The following TG variants were observed in gnomAD, a reference collection of about 807,000 sequenced individuals.
The protein encoded by TG is thyroglobulin, also known as thyroid hormones.
TG carries 270 observed loss-of-function variants against 324.7 expected under a neutral mutation model. The observed-to-expected ratio is 0.83, with a 90% CI of 0.75 to 0.92. The LOEUF (loss-of-function observed/expected upper bound fraction) is 0.92. TG is among the 40% of genes least tolerant of loss of function. The probability of loss-of-function intolerance (pLI) is 0.00; values close to 1 mark genes in which losing one functional copy is unlikely to be tolerated. For synonymous variants in TG, 1,401 were observed against 1,327.0 expected, an observed-to-expected ratio of 1.06 and a Z score of -1.21; for missense variants, 3,591 against 3,456.4, an observed-to-expected ratio of 1.04 and a Z score of -0.98.
chr8:132,940,378 AAAAATCTCATGTTT>A (rs1824273293), intron 25 of TG, among the ~76,000 whole-genome samples: 1 of 152,012 alleles, frequency 6.6e-6, no homozygotes, highest in Admixed American at 6.5e-5. Flanking sequence ...TCTATCCCTG[AAAAATCTCATGTTT>A]GCAAAGTGAC....
At chr8:133,058,702 G>T (rs532819539) in intron 41 of TG, among the ~76,000 whole-genome samples, 1 of 152,224 alleles carries the variant, frequency 6.6e-6, no homozygotes, top group Non-Finnish European at 1.5e-5. Context: ...CAGCAGCTCA[G>T]CCACCCTGCA....
chr8:133,066,398 C>G (rs1024035077), intron 41 of TG, among the ~76,000 whole-genome samples: 1 of 151,476 alleles, frequency 6.6e-6, no homozygotes, highest in Non-Finnish European at 1.5e-5. Context: ...GGAATACTAG[C>G]TGTGCTTTTA....
intron 35 of TG, chr8:133,002,942 C>G: frequency 1.0e-6 from 1 of 974,344 alleles, no homozygotes; most frequent in Non-Finnish European, 1.2e-6. Flanking sequence ...TGAACAGTGC[C>G]CATTCCCTTG....
rs750493958 is a variant in TG at position 132,887,014 on chromosome 8, A to G, written c.1642A>G (p.Thr548Ala). ...AKKDGTMNKP[T>A]VGSFGFEINL... is the part of the protein sequence containing the mutation. ...GAAGGATGGTACTATGAATAAGCCA[A>G]CTGTGGGCAGCTTTGGCTTTGAAAT... The change falls in exon 9 of 48, where the codon ACT becomes GCT. Residue 548 changes from threonine (T) to alanine (A), a missense_variant. Physicochemically the swap from Thr to Ala is moderately conservative, Grantham distance 58. Coordinates refer to ENST00000220616, the MANE Select transcript of TG (RefSeq NM_003235.5). The G allele has an allele frequency of 1.3e-5, 21 of 1,614,246 alleles. No homozygotes were observed. The highest frequency in any genetic ancestry group is 1.8e-5 in the Non-Finnish European group (21 of 1,180,048).
chr8:132,948,681 C>A (rs1825690504), intron 26 of TG, 95 bp from the exon 27 acceptor site: 13 of 1,342,380 alleles, frequency 9.7e-6, no homozygotes, highest in Non-Finnish European at 1.4e-5. Context: ...ACGCTGTCAC[C>A]TATCTTTATT....
chr8:133,132,600 T>C (rs1360297340), intron 46 of TG, among the ~76,000 whole-genome samples: 1 of 152,148 alleles, frequency 6.6e-6, no homozygotes, highest in Non-Finnish European at 1.5e-5. Flanking sequence ...TTGCCTGATG[T>C]GAGTTGATTA....
intron 40 of TG, among the ~76,000 whole-genome samples, chr8:133,023,191 C>T (rs960246741): frequency 6.6e-6 from 1 of 152,162 alleles, no homozygotes; most frequent in African/African-American, 2.4e-5. Flanking sequence ...CCTGGATGAC[C>T]ACATGGCATG....
intron 41 of TG, among the ~76,000 whole-genome samples, chr8:133,056,979 C>T (rs1467434349): frequency 6.6e-6 from 1 of 152,168 alleles, no homozygotes; most frequent in Non-Finnish European, 1.5e-5. Context: ...ATCTGCATTT[C>T]AGTTACTTCC....
chr8:132,991,710 G>A (rs891031600), intron 35 of TG, among the ~76,000 whole-genome samples: 4 of 152,058 alleles, frequency 2.6e-5, no homozygotes, highest in Admixed American at 2.6e-4. Flanking sequence ...CATGTTGTTA[G>A]CAGCTGCAAC....
At chr8:132,937,468 C>G (rs1823772279) in intron 25 of TG, among the ~76,000 whole-genome samples, 1 of 152,158 alleles carries the variant, frequency 6.6e-6, no homozygotes, top group Non-Finnish European at 1.5e-5. Context: ...TCTGGCAGAG[C>G]TCGGCTCTCT....
At chr8:133,060,497 G>T (rs1351299235) in intron 41 of TG, 1 of 811,930 alleles carries the variant, frequency 1.2e-6, no homozygotes, top group Non-Finnish European at 1.8e-6. Flanking sequence ...GCCACAGCAG[G>T]GTTTGTGTGA....
At position 132,886,794 on chromosome 8, in the gene TG, G is replaced by A. The variant is rs2132161168; in HGVS notation, c.1422G>A (p.Gly474=). The change falls in exon 9 of 48, where the codon GGG becomes GGA. Residue 474 remains glycine (G), a synonymous_variant. Coordinates refer to ENST00000220616, the MANE Select transcript of TG (RefSeq NM_003235.5). ...PKRLQQNLFG[G]KFLVNVGQFN... is the part of the protein sequence containing the mutation. ...GACTCCAGCAAAACCTTTTTGGAGG[G>A]AAATTTTTGGTGAATGTTGGCCAGT... 6.2e-7 allele frequency: 1 copy of A among 1,614,190 alleles called. No individual in the cohort carries two copies. Among genetic ancestry groups the A allele is most frequent in the Non-Finnish European group, 8.5e-7 (1 of 1,180,042 alleles).
intron 10 of TG, among the ~76,000 whole-genome samples, chr8:132,890,648 C>T (rs1217193651): frequency 6.6e-6 from 1 of 152,194 alleles, no homozygotes; most frequent in East Asian, 1.9e-4. Flanking sequence ...GTCTTAGAGT[C>T]ATCTGTAAAA....
chr8:133,002,101 G>T (rs1833571183), intron 35 of TG: 1 of 985,430 alleles, frequency 1.0e-6, no homozygotes, highest in Non-Finnish European at 1.2e-6. Flanking sequence ...GTTGGAGAGA[G>T]TGTCAGGCAT....
At chr8:133,059,037 A>G (rs1841967020) in intron 41 of TG, 4 of 457,380 alleles carry the variant, frequency 8.7e-6, no homozygotes, top group Non-Finnish European at 1.8e-5. Flanking sequence ...TGAGGGAGCC[A>G]CAGAAGTCAT....
chr8:132,934,549 G>C (rs564599913), intron 24 of TG, among the ~76,000 whole-genome samples: 1 of 152,218 alleles, frequency 6.6e-6, no homozygotes, highest in South Asian at 2.1e-4. Flanking sequence ...ACACGTGCTC[G>C]TGCATAAACA....
At chr8:132,973,409 G>A (rs930268394) in intron 34 of TG, among the ~76,000 whole-genome samples, 4 of 145,786 alleles carry the variant, frequency 2.7e-5, no homozygotes, top group African/African-American at 1.1e-4. Flanking sequence ...CTTAAAGTAT[G>A]ATTCTGATTA....
intron 12 of TG, among the ~76,000 whole-genome samples, 169 bp downstream of exon 12, chr8:132,897,955 G>A (rs1241010351): frequency 6.6e-6 from 1 of 152,238 alleles, no homozygotes; most frequent in Non-Finnish European, 1.5e-5. Flanking sequence ...TTGTGTAACA[G>A]GAGCAGGAAA....
chr8:133,047,600 T>G, intron 41 of TG: 1 of 554,658 alleles, frequency 1.8e-6, no homozygotes, highest in Non-Finnish European at 3.3e-6. Context: ...TCAGGCCTGA[T>G]GTTGGCCAGG....
Sources: gnomAD v4.1 joint callset for allele counts (sites outside exome capture counted in the v4.1 genomes callset) on GRCh38, gnomAD v4.1.1 for gene constraint, MANE v1.5 for transcripts, NCBI Gene and HGNC (gene_info 2026-07-23, HGNC 2026-07-21) for gene names.